Variants in CCDC7 observed in about 807,000 individuals in gnomAD.
CCDC7 encodes the protein coiled-coil domain containing 7, also known as coiled-coil domain-containing protein 7.
A neutral mutation model predicts 196.9 loss-of-function variants in CCDC7; 183 were observed. The observed-to-expected ratio is 0.93, with a 90% CI of 0.82 to 1.05. The LOEUF is 1.05. CCDC7 is among the 50% of genes least tolerant of loss of function. The pLI is 0.00. For missense variants in CCDC7, 1,540 were observed against 1,482.2 expected (o/e 1.04, Z -0.64); for synonymous variants, 525 against 484.6 (o/e 1.08, Z -1.10).
chr10:32,862,047 C>T (rs1208441213), intron 41 of CCDC7, among the ~76,000 whole-genome samples: 1 of 152,050 alleles, frequency 6.6e-6, no homozygotes, highest in African/African-American at 2.4e-5. Flanking sequence ...ACCATTTGAC[C>T]CAGCAATCCC....
At chr10:32,826,513 G>A (rs2091143519) in intron 32 of CCDC7, among the ~76,000 whole-genome samples, 1 of 152,198 alleles carries the variant, frequency 6.6e-6, no homozygotes, top group Non-Finnish European at 1.5e-5. Context: ...ATCATCAAAT[G>A]GAAGTGGTAT....
intron 1 of CCDC7, 32 bp downstream of exon 2, chr10:32,451,953 G>T (rs770244521): frequency 6.3e-7 from 1 of 1,583,228 alleles, no homozygotes; most frequent in Admixed American, 1.8e-5. Flanking sequence ...GTGTTGCAGG[G>T]CCCCCATGAT....
At chr10:32,770,711 C>T (rs563233536) in intron 28 of CCDC7, among the ~76,000 whole-genome samples, 4 of 152,196 alleles carry the variant, frequency 2.6e-5, no homozygotes, top group African/African-American at 9.6e-5. Context: ...TATCAGTGGT[C>T]TATTGAAGTC....
intron 28 of CCDC7, among the ~76,000 whole-genome samples, chr10:32,775,996 T>C (rs1214306432): frequency 1.4e-5 from 2 of 146,952 alleles, no homozygotes; most frequent in Non-Finnish European, 3.0e-5. Flanking sequence ...ATGGATGAAA[T>C]TGGAAATCAT....
chr10:32,743,347 T>C (rs1393937453), intron 28 of CCDC7, among the ~76,000 whole-genome samples: 1 of 152,236 alleles, frequency 6.6e-6, no homozygotes, highest in Non-Finnish European at 1.5e-5. Flanking sequence ...TCTCCCATTC[T>C]GTAGGTTACC....
At chr10:32,539,945 G>A (rs1316794158) in intron 11 of CCDC7, among the ~76,000 whole-genome samples, 2 of 151,944 alleles carry the variant, frequency 1.3e-5, no homozygotes, top group Admixed American at 6.6e-5. Flanking sequence ...AGATTTTTTG[G>A]AGTATGTGCT....
At chr10:32,831,576 G>A (rs1348311368) in intron 32 of CCDC7, among the ~76,000 whole-genome samples, 1 of 151,866 alleles carries the variant, frequency 6.6e-6, no homozygotes, top group African/African-American at 2.4e-5. Context: ...TATTCAATAA[G>A]CTGCTTTCTA....
intron 9 of CCDC7, among the ~76,000 whole-genome samples, chr10:32,495,795 C>A (rs1356513701): frequency 6.6e-6 from 1 of 152,114 alleles, no homozygotes; most frequent in Non-Finnish European, 1.5e-5. Context: ...GTTACTGTAG[C>A]CTTGTAGTAT....
intron 18 of CCDC7, among the ~76,000 whole-genome samples, chr10:32,624,535 T>C (rs980828383): frequency 2.0e-5 from 3 of 152,216 alleles, no homozygotes; most frequent in African/African-American, 7.2e-5. Context: ...TGTCAAAATC[T>C]CAATGCCTTA....
At chr10:32,544,355 A>G (rs1308908149) in intron 13 of CCDC7, 54 bp downstream of exon 14, 2 of 1,526,760 alleles carry the variant, frequency 1.3e-6, no homozygotes, top group African/African-American at 2.8e-5. Flanking sequence ...TTGCTCTGAT[A>G]GTCATATATA....
chr10:32,617,112 G>T (rs1202275514), intron 18 of CCDC7, among the ~76,000 whole-genome samples: 4 of 151,626 alleles, frequency 2.6e-5, no homozygotes, highest in Non-Finnish European at 5.9e-5. Context: ...ATGATATCTT[G>T]TATTTCTGTG....
intron 2 of CCDC7, among the ~76,000 whole-genome samples, 184 bp from the exon 4 acceptor site, chr10:32,456,067 C>G (rs1315203561): frequency 6.6e-6 from 1 of 152,132 alleles, no homozygotes; most frequent in East Asian, 1.9e-4. Flanking sequence ...TACTTTCTTT[C>G]ATATTTTTTC....
chr10:32,622,956 C>G (rs1418608784), intron 18 of CCDC7, among the ~76,000 whole-genome samples: 2 of 152,144 alleles, frequency 1.3e-5, no homozygotes, highest in Non-Finnish European at 2.9e-5. Context: ...GTGTAATTCA[C>G]TACATTAACA....
At chr10:32,668,502 G>T (rs1207776627) in intron 21 of CCDC7, among the ~76,000 whole-genome samples, 1 of 152,082 alleles carries the variant, frequency 6.6e-6, no homozygotes, top group Non-Finnish European at 1.5e-5. Context: ...TATTGGCTGT[G>T]GATTTGTCAT....
At chr10:32,573,170 G>A (rs1417038439) in intron 16 of CCDC7, among the ~76,000 whole-genome samples, 1 of 152,166 alleles carries the variant, frequency 6.6e-6, no homozygotes, top group African/African-American at 2.4e-5. Flanking sequence ...GAGCCACCAT[G>A]CCCAGCTGGT....
At chr10:32,643,547 G>C (rs2067215662) in intron 20 of CCDC7, among the ~76,000 whole-genome samples, 1 of 151,318 alleles carries the variant, frequency 6.6e-6, no homozygotes. Context: ...ATTTTGAGCT[G>C]CTTTTTGTTT....
intron 21 of CCDC7, among the ~76,000 whole-genome samples, chr10:32,671,362 C>T (rs1222733501): frequency 6.6e-6 from 1 of 152,102 alleles, no homozygotes; most frequent in Admixed American, 6.6e-5. Context: ...AGTATAGTAA[C>T]ATACTGTACA....
chr10:32,778,632 CT>C (rs2080514338), intron 28 of CCDC7, among the ~76,000 whole-genome samples: 1 of 152,100 alleles, frequency 6.6e-6, no homozygotes, highest in Admixed American at 6.6e-5. Flanking sequence ...CAACTTTGTT[CT>C]TTTTGCTTAG....
intron 41 of CCDC7, among the ~76,000 whole-genome samples, chr10:32,860,816 A>T (rs1026990743): frequency 6.6e-6 from 1 of 152,126 alleles, no homozygotes; most frequent in Admixed American, 6.6e-5. Flanking sequence ...CACAATTGCT[A>T]CAAAGAGAAT....
Sources: gnomAD v4.1 joint callset for allele counts (sites outside exome capture counted in the v4.1 genomes callset) on GRCh38, gnomAD v4.1.1 for gene constraint, MANE v1.5 for transcripts, NCBI Gene and HGNC (gene_info 2026-07-23, HGNC 2026-07-21) for gene names.